Variants in RBFOX1 observed in about 807,000 individuals in gnomAD.
RBFOX1 encodes RNA binding protein fox-1 homolog 1.
A neutral mutation model predicts 57.7 loss-of-function variants in RBFOX1; 8 were observed. That is an observed-to-expected ratio of 0.14 (90% CI 0.08 to 0.25). The LOEUF is 0.25. RBFOX1 is among the 10% of genes least tolerant of loss of function. The pLI is 1.00. For missense variants in RBFOX1, 611 were observed against 548.5 expected, an observed-to-expected ratio of 1.11 and a Z score of -1.14; for synonymous variants, 326 against 222.4, an observed-to-expected ratio of 1.47 and a Z score of -4.15.
chr16:5,705,119 TA>T (rs1435962523), intron 3 of RBFOX1, among the ~76,000 whole-genome samples: 1 of 152,162 alleles, frequency 6.6e-6, no homozygotes, highest in Admixed American at 6.5e-5. Flanking sequence ...TTAGTAAAGA[TA>T]GGGTAAAATA....
chr16:7,032,098 T>C (rs1348673571), intron 3 of RBFOX1, among the ~76,000 whole-genome samples: 1 of 152,084 alleles, frequency 6.6e-6, no homozygotes, highest in Non-Finnish European at 1.5e-5. Context: ...GTGTCCCCTC[T>C]TGAGAATCAG....
chr16:7,469,352 G>A (rs989366291), intron 4 of RBFOX1, among the ~76,000 whole-genome samples: 3 of 152,038 alleles, frequency 2.0e-5, no homozygotes, highest in South Asian at 2.1e-4. Context: ...GTGAGCCACC[G>A]CACCTGGCCC....
chr16:6,751,931 T>A (rs1227735888), intron 3 of RBFOX1, among the ~76,000 whole-genome samples: 2 of 152,162 alleles, frequency 1.3e-5, no homozygotes, highest in African/African-American at 4.8e-5. Context: ...GAGTCCAGGC[T>A]TTAACAAACA....
intron 3 of RBFOX1, among the ~76,000 whole-genome samples, chr16:5,710,067 G>A (rs1233362751): frequency 6.6e-6 from 1 of 150,736 alleles, no homozygotes; most frequent in Non-Finnish European, 1.5e-5. Context: ...TTCAGCACCC[G>A]GGACAGCTCC....
intron 1 of RBFOX1, among the ~76,000 whole-genome samples, chr16:5,376,233 G>A (rs908193945): frequency 4.6e-5 from 7 of 152,060 alleles, no homozygotes; most frequent in Non-Finnish European, 7.4e-5. Context: ...GCTGGAGGCA[G>A]TGCTGGAGCC....
intron 3 of RBFOX1, among the ~76,000 whole-genome samples, chr16:6,835,225 G>T (rs1235090753): frequency 6.6e-6 from 1 of 151,996 alleles, no homozygotes; most frequent in African/African-American, 2.4e-5. Context: ...TGTGAAGATG[G>T]CTCCGTTAGT....
intron 1 of RBFOX1, among the ~76,000 whole-genome samples, chr16:5,341,457 A>G (rs935533666): frequency 6.6e-6 from 1 of 151,984 alleles, no homozygotes. Context: ...AAGTGATTGG[A>G]TTGAGGATAT....
chr16:6,640,564 T>C (rs4297680), intron 2 of RBFOX1, among the ~76,000 whole-genome samples: 149,498 of 152,204 alleles, frequency 0.98, 73,481 homozygotes, highest in East Asian at 1. Context: ...GCTGTGATCA[T>C]GCCACTGCAC....
intron 2 of RBFOX1, among the ~76,000 whole-genome samples, chr16:6,397,751 A>C (rs527733362): frequency 2.0e-4 from 30 of 152,216 alleles, no homozygotes; most frequent in Non-Finnish European, 3.2e-4. Context: ...GTGAAGCAAA[A>C]CTATACTGTT....
chr16:6,468,681 A>C (rs1312038081), intron 2 of RBFOX1, among the ~76,000 whole-genome samples: 2 of 152,134 alleles, frequency 1.3e-5, no homozygotes, highest in Admixed American at 6.5e-5. Flanking sequence ...AGAACATTGA[A>C]ATGTTGAGCC....
chr16:5,366,571 G>C, intron 1 of RBFOX1: 1 of 387,610 alleles, frequency 2.6e-6, no homozygotes. Flanking sequence ...AGCAAATATA[G>C]AAAAAGGTGA....
intron 2 of RBFOX1, among the ~76,000 whole-genome samples, chr16:6,595,224 C>G (rs113379243): frequency 6.6e-6 from 1 of 152,124 alleles, no homozygotes; most frequent in East Asian, 1.9e-4. Context: ...ACCCTTACCC[C>G]ACCCTGTAGC....
chr16:6,849,701 T>C (rs2093962755), intron 3 of RBFOX1, among the ~76,000 whole-genome samples: 2 of 151,806 alleles, frequency 1.3e-5, no homozygotes, highest in African/African-American at 4.8e-5. Flanking sequence ...CAAAAAAAAC[T>C]GAAAAGTCCA....
At chr16:5,669,627 C>T (rs768904211) in intron 3 of RBFOX1, among the ~76,000 whole-genome samples, 1 of 152,030 alleles carries the variant, frequency 6.6e-6, no homozygotes, top group Non-Finnish European at 1.5e-5. Context: ...ACCATGTTGG[C>T]CAGGATGGTC....
At chr16:5,968,182 C>T (rs1390519943) in intron 4 of RBFOX1, among the ~76,000 whole-genome samples, 4 of 152,162 alleles carry the variant, frequency 2.6e-5, no homozygotes, top group African/African-American at 9.7e-5. Context: ...TTAAGCAATT[C>T]TGCTGTTTCA....
intron 3 of RBFOX1, among the ~76,000 whole-genome samples, chr16:6,785,161 G>T (rs1054926801): frequency 1.3e-5 from 2 of 152,024 alleles, no homozygotes; most frequent in African/African-American, 4.8e-5. Context: ...TCTGAACAAA[G>T]AGATCTACGA....
chr16:6,287,687 A>G (rs1409212046), intron 1 of RBFOX1, among the ~76,000 whole-genome samples: 1 of 152,174 alleles, frequency 6.6e-6, no homozygotes, highest in Admixed American at 6.5e-5. Flanking sequence ...TATACATAAA[A>G]GCACACACAC....
At chr16:7,046,726 C>T (rs10163206) in intron 3 of RBFOX1, among the ~76,000 whole-genome samples, 18,873 of 150,908 alleles carry the variant, frequency 0.13, 2,053 homozygotes, top group East Asian at 0.29. Flanking sequence ...CTGCCTCAGC[C>T]TCCCAAATAG....
chr16:5,378,711 T>C (rs991922611), intron 1 of RBFOX1, among the ~76,000 whole-genome samples: 4 of 151,542 alleles, frequency 2.6e-5, no homozygotes, highest in African/African-American at 9.8e-5. Flanking sequence ...GACTCGGATA[T>C]TCCCATGACT....
Sources: allele counts gnomAD v4.1 joint callset (sites outside exome capture counted in the v4.1 genomes callset), GRCh38; gene constraint gnomAD v4.1.1; transcripts MANE v1.5; gene names NCBI Gene and HGNC (gene_info 2026-07-23, HGNC 2026-07-21).